TBRG4: variants seen among roughly 807,000 people sequenced by gnomAD.
TBRG4 encodes the protein FAST kinase domain-containing protein 4.
A neutral mutation model predicts 65.6 loss-of-function variants in TBRG4; 43 were observed. The ratio of observed to expected loss-of-function variants is 0.66; its 90% CI spans 0.51 to 0.85. The LOEUF is 0.85. Ranked by LOEUF, TBRG4 falls within the 40% of genes least tolerant of loss-of-function variation. The pLI, the probability that TBRG4 is intolerant of heterozygous loss-of-function variation, is 0.00. For synonymous variants in TBRG4, 366 were observed against 341.4 expected (o/e 1.07, Z -0.79); for missense variants, 709 against 787.9 (o/e 0.90, Z 1.20).
At position 45,108,959 on chromosome 7, in the gene TBRG4, G is replaced by A. The variant is rs746877692; in HGVS notation, c.279C>T (p.His93=). 4.3e-6 allele frequency: 7 copies of A among 1,612,468 alleles called. No homozygotes were observed. The highest frequency in any genetic ancestry group is 2.7e-5 in the African/African-American group (2 of 74,822). Residue 93 remains histidine, a synonymous_variant, in exon 2 of 11, where the codon CAC becomes CAT. Coordinates refer to ENST00000258770, the MANE Select transcript of TBRG4 (RefSeq NM_004749.4). The part of the protein sequence containing the change: ...EELLELLGGS[H]DLDSNQAAMV... ...TTGCTGCTTGATTGCTGTCCAAGTC[G>A]TGACTGCCACCAAGTAGCTCCAGGA...
intron 2 of TBRG4, chr7:45,106,340 C>T (rs1003254103): frequency 1.2e-5 from 3 of 252,574 alleles, no homozygotes; most frequent in Admixed American, 9.2e-5. Context: ...ATGGTCCTGG[C>T]TACAGCTCTG....
chr7:45,100,464 G>A (rs376146022), intron 10 of TBRG4, 38 bp from the exon 11 acceptor site: 1 of 1,546,650 alleles, frequency 6.5e-7, no homozygotes, highest in Non-Finnish European at 8.9e-7. Context: ...CATGGGCAAG[G>A]AGATCCCTTC....
chr7:45,109,132 G>A lies in TBRG4; in HGVS notation c.106C>T (p.His36Tyr). 1 of 1,614,206 alleles carries A rather than the reference G, an allele frequency of 6.2e-7. No individual in the cohort carries two copies. The highest frequency in any genetic ancestry group is 1.3e-5 in the African/African-American group (1 of 75,066). The change falls in exon 2 of 11, where the codon CAT becomes TAT. Residue 36 changes from histidine to tyrosine, a missense_variant. Coordinates refer to ENST00000258770, the MANE Select transcript of TBRG4 (RefSeq NM_004749.4). ...GTGGCTGAGGAAGTCAGAGTCTTAT[G>A]GGCTACCCAGGCAAGTCTCAGTCGG... is the stretch of plus-strand genomic sequence containing the variant. ...VGRLRLAWVA[H>Y]KTLTSSATSP...
At chr7:45,105,329 G>T in intron 3 of TBRG4, 112 bp downstream of exon 3, 1 of 1,213,550 alleles carries the variant, frequency 8.2e-7, no homozygotes, top group Non-Finnish European at 1.1e-6. Context: ...AGCTCCCAGG[G>T]CTCTGATCCC....
rs924475614 is a variant in TBRG4 at position 45,102,386 on chromosome 7, G to C, written c.1282C>G (p.Gln428Glu). The change falls in exon 7 of 11, where the codon CAA (glutamine) becomes GAA (glutamate). Residue 428 changes from glutamine (Q) to glutamate (E), a missense_variant. Transcript: ENST00000258770. The stretch of plus-strand genomic sequence containing the variant: ...TGAAATTCAGGGTGGAGGACGGCTT[G>C]CAGCTCTGCTTCCCGTGCCTGCTGC... ...VLQQAREAEL[Q>E]AVLHPEFHIQ... 36 of 1,613,988 alleles carry C rather than the reference G, an allele frequency of 2.2e-5. No homozygotes were observed. The highest frequency in any genetic ancestry group is 3.0e-5 in the Non-Finnish European group (35 of 1,180,040).
intron 7 of TBRG4, 90 bp from the exon 8 acceptor site, chr7:45,102,160 T>G (rs1189458968): frequency 1.3e-6 from 2 of 1,530,736 alleles, no homozygotes; most frequent in Non-Finnish European, 1.8e-6. Flanking sequence ...CTACACCCAG[T>G]CCCAGCCCAG....
intron 2 of TBRG4, 63 bp from the exon 3 acceptor site, chr7:45,105,827 G>C: frequency 1.3e-6 from 2 of 1,534,996 alleles, no homozygotes; most frequent in Non-Finnish European, 1.8e-6. Context: ...GTGAGCTGGA[G>C]GCTACCTCTC....
chr7:45,103,635 C>A, intron 5 of TBRG4, 192 bp from the exon 6 acceptor site: 1 of 580,588 alleles, frequency 1.7e-6, no homozygotes. Context: ...CGCCTGGCAG[C>A]AACTACCCAC....
intron 1 of TBRG4, 153 bp downstream of exon 1, chr7:45,111,490 A>G: frequency 1.1e-6 from 1 of 947,674 alleles, no homozygotes; most frequent in South Asian, 1.5e-5. Flanking sequence ...GCAAGCCAGC[A>G]CGGAACGAGC....
chr7:45,101,235 C>G (rs756535264), intron 10 of TBRG4, 23 bp downstream of exon 10: 7 of 1,603,908 alleles, frequency 4.4e-6, no homozygotes, highest in Non-Finnish European at 6.0e-6. Context: ...TGTGCAGTGA[C>G]CACCTGCCCA....
intron 5 of TBRG4, 86 bp from the exon 6 acceptor site, chr7:45,103,529 G>T: frequency 9.3e-7 from 1 of 1,073,692 alleles, no homozygotes; most frequent in Non-Finnish European, 1.4e-6. Context: ...TCTGAGGAGA[G>T]CCTGCATGGC....
At chr7:45,101,410 TC>T (rs772678745) in intron 9 of TBRG4, 38 bp from the exon 10 acceptor site, 2 of 1,608,928 alleles carry the variant, frequency 1.2e-6, no homozygotes, top group Admixed American at 3.4e-5. Context: ...GCTTCCACTC[TC>T]CCAGCCCCTC....
chr7:45,101,662 A>G, intron 8 of TBRG4, 48 bp from the exon 9 acceptor site: 2 of 1,603,048 alleles, frequency 1.2e-6, no homozygotes, highest in Non-Finnish European at 8.5e-7. Flanking sequence ...CATCCCTCAG[A>G]AACCCCCCCA....
intron 6 of TBRG4, chr7:45,103,083 T>C: frequency 3.7e-6 from 2 of 540,754 alleles, no homozygotes; most frequent in East Asian, 6.4e-5. Flanking sequence ...CAACAGGGCA[T>C]TAAAAGGAGC....
In TBRG4 at chr7:45,103,441, G is replaced by A. The variant is rs139263268; in HGVS notation, c.1068C>T (p.His356=). ...TGATGTCCTGCGCTCTGTTCAGGAC[G>A]TGCTGGGTGGGTCAGAAATAGCAGA... ...SLPLFEAFAQ[H]VLNRAQDITL... is the part of the protein sequence containing the mutation. The change falls in exon 6 of 11, where the codon CAC becomes CAT. Residue 356 remains histidine, a splice_region_variant and synonymous_variant. Transcript: ENST00000258770. The A allele has an allele frequency of 7.4e-6, 12 of 1,611,258 alleles. No homozygotes were observed. The highest frequency in any genetic ancestry group is 1.1e-5 in the South Asian group (1 of 90,662).
At chr7:45,100,511 C>T (rs1453833934) in intron 10 of TBRG4, 85 bp from the exon 11 acceptor site, 2 of 1,070,150 alleles carry the variant, frequency 1.9e-6, no homozygotes, top group Non-Finnish European at 2.8e-6. Context: ...GCTGTCCTCA[C>T]ATTGACCCCT....
intron 6 of TBRG4, chr7:45,103,071 A>T (rs1784818977): frequency 1.9e-6 from 1 of 526,704 alleles, no homozygotes; most frequent in Non-Finnish European, 3.4e-6. Context: ...GCTTCTGAGC[A>T]TCAACAGGGC....
intron 2 of TBRG4, chr7:45,106,174 G>A: frequency 2.3e-6 from 1 of 434,894 alleles, no homozygotes; most frequent in Non-Finnish European, 4.6e-6. Flanking sequence ...TGATCCTCTA[G>A]GCTACAATAA....
intron 2 of TBRG4, among the ~76,000 whole-genome samples, chr7:45,108,154 A>C (rs1785016534): frequency 6.6e-6 from 1 of 152,222 alleles, no homozygotes; most frequent in Non-Finnish European, 1.5e-5. Context: ...AACTGGAAAC[A>C]TGGTTTCAGT....
Sources: gnomAD v4.1 joint callset for allele counts (sites outside exome capture counted in the v4.1 genomes callset) on GRCh38, gnomAD v4.1.1 for gene constraint, MANE v1.5 for transcripts, NCBI Gene and HGNC (gene_info 2026-07-23, HGNC 2026-07-21) for gene names.